TTLL11: variants seen among roughly 807,000 people sequenced by gnomAD.
TTLL11 encodes tubulin tyrosine ligase like 11, also known as tubulin polyglutamylase TTLL11.
TTLL11 carries 42 observed loss-of-function variants against 51.7 expected under a neutral mutation model. The observed-to-expected ratio is 0.81, with a 90% confidence interval of 0.64 to 1.05. TTLL11 has a LOEUF of 1.05. Ranked by LOEUF, TTLL11 falls within the 50% of genes least tolerant of loss-of-function variation. The pLI is 0.00. For missense variants in TTLL11, 799 were observed against 940.4 expected, an observed-to-expected ratio of 0.85 and a Z score of 1.97; for synonymous variants, 381 against 383.5, an observed-to-expected ratio of 0.99 and a Z score of 0.08.
At chr9:121,863,378 G>A (rs973423515) in intron 7 of TTLL11, among the ~76,000 whole-genome samples, 2 of 152,204 alleles carry the variant, frequency 1.3e-5, no homozygotes, top group African/African-American at 4.8e-5. Context: ...TGGGCTACCT[G>A]CTCTTCCACA....
At chr9:121,911,761 C>T (rs2131501488) in intron 6 of TTLL11, among the ~76,000 whole-genome samples, 1 of 152,140 alleles carries the variant, frequency 6.6e-6, no homozygotes, top group Non-Finnish European at 1.5e-5. Flanking sequence ...AGGGGAACAT[C>T]ACACACCGGG....
chr9:122,015,577 C>T (rs774183701), intron 3 of TTLL11, among the ~76,000 whole-genome samples: 1 of 152,182 alleles, frequency 6.6e-6, no homozygotes, highest in East Asian at 1.9e-4. Context: ...CTCCATGTTA[C>T]TTCCCAGGCT....
chr9:122,034,558 C>T (rs781443267), intron 2 of TTLL11, among the ~76,000 whole-genome samples: 1 of 152,160 alleles, frequency 6.6e-6, no homozygotes, highest in Admixed American at 6.5e-5. Flanking sequence ...TAGCACCAAA[C>T]CTTTGCTCCT....
intron 1 of TTLL11, among the ~76,000 whole-genome samples, chr9:122,071,125 C>T (rs1216892373): frequency 6.6e-6 from 1 of 152,184 alleles, no homozygotes; most frequent in African/African-American, 2.4e-5. Context: ...CTATCCAGTG[C>T]CTGGCTTAGA....
intron 1 of TTLL11, among the ~76,000 whole-genome samples, chr9:122,042,098 C>T (rs529960889): frequency 6.6e-6 from 1 of 151,374 alleles, no homozygotes; most frequent in Non-Finnish European, 1.5e-5. Context: ...CAACCTCTGC[C>T]TCCTGGATCA....
intron 6 of TTLL11, among the ~76,000 whole-genome samples, chr9:121,905,479 G>A (rs958561210): frequency 1.3e-5 from 2 of 151,894 alleles, no homozygotes; most frequent in Non-Finnish European, 2.9e-5. Context: ...AGCCTCCTGA[G>A]TAGCTGGGAT....
intron 4 of TTLL11, among the ~76,000 whole-genome samples, chr9:121,983,021 T>C (rs1842859697): frequency 6.6e-6 from 1 of 152,170 alleles, no homozygotes; most frequent in Non-Finnish European, 1.5e-5. Flanking sequence ...AAATAGGCTA[T>C]AGGCAGTAAG....
chr9:122,000,621 A>G (rs1843431019), intron 3 of TTLL11, among the ~76,000 whole-genome samples: 1 of 152,172 alleles, frequency 6.6e-6, no homozygotes, highest in African/African-American at 2.4e-5. Flanking sequence ...ATGACAGTTT[A>G]CAAATGGCAT....
chr9:122,000,918 C>A (rs1843441961), intron 3 of TTLL11, among the ~76,000 whole-genome samples: 1 of 152,212 alleles, frequency 6.6e-6, no homozygotes. Context: ...AACAGTAATA[C>A]ATAACAGTAA....
At chr9:121,894,751 G>A (rs950773883) in intron 6 of TTLL11, among the ~76,000 whole-genome samples, 11 of 152,122 alleles carry the variant, frequency 7.2e-5, no homozygotes, top group Non-Finnish European at 1.5e-4. Context: ...GCCTGTCGGG[G>A]GGTGGGGACT....
intron 1 of TTLL11, among the ~76,000 whole-genome samples, chr9:122,079,369 C>T (rs1266818689): frequency 6.6e-6 from 1 of 152,114 alleles, no homozygotes; most frequent in Non-Finnish European, 1.5e-5. Context: ...GTAACCCCCT[C>T]CCCCTTTTTT....
At chr9:122,030,229 C>T (rs10123116) in intron 3 of TTLL11, among the ~76,000 whole-genome samples, 6,421 of 137,280 alleles carry the variant, frequency 0.047, 210 homozygotes, top group African/African-American at 0.079. Flanking sequence ...TTATGAGGAA[C>T]AGCTGAGAGT....
rs1384684166 is a variant in TTLL11, at chr9:121,874,775, G to A, written c.1482-4027C>T. Among the ~76,000 whole-genome samples, 7 of 78,990 alleles carry A rather than the reference G, an allele frequency of 8.9e-5. No homozygotes were observed. The South Asian group carries it at 2.5e-3, about 29-fold the overall frequency. 51.8% of individuals were successfully genotyped at this position (78,990 alleles called of 152,430 possible). ...GGCATAATTTTTTTTTTTTTTTTTT[G>A]AGACAGAGACTTGTTCTGTCACCCA... On this transcript the variant is annotated intron_variant, in intron 6 of 8. Coordinates refer to ENST00000321582, the MANE Select transcript of TTLL11 (RefSeq NM_001139442.2).
At chr9:121,882,630 C>T (rs183701237) in intron 6 of TTLL11, among the ~76,000 whole-genome samples, 109 of 152,226 alleles carry the variant, frequency 7.2e-4, no homozygotes, top group Non-Finnish European at 1.4e-3. Flanking sequence ...GCTCCCTGCC[C>T]ACAGTCTTCC....
intron 1 of TTLL11, among the ~76,000 whole-genome samples, chr9:122,062,887 C>T (rs1408635713): frequency 6.6e-6 from 1 of 152,032 alleles, no homozygotes; most frequent in Non-Finnish European, 1.5e-5. Flanking sequence ...TCAAGCAATC[C>T]TCCCACCTCA....
intron 6 of TTLL11, among the ~76,000 whole-genome samples, chr9:121,952,298 T>C (rs1841874435): frequency 6.6e-6 from 1 of 151,886 alleles, no homozygotes; most frequent in Non-Finnish European, 1.5e-5. Context: ...ATACAAAAAT[T>C]AGCCACGTGT....
intron 1 of TTLL11, among the ~76,000 whole-genome samples, chr9:122,045,087 T>C (rs115251129): frequency 1.3e-5 from 2 of 151,730 alleles, no homozygotes; most frequent in African/African-American, 2.4e-5. Context: ...GCCTAGATGA[T>C]AGAGACCCTA....
intron 1 of TTLL11, among the ~76,000 whole-genome samples, chr9:122,047,791 T>G (rs1845056637): frequency 6.6e-6 from 1 of 152,194 alleles, no homozygotes; most frequent in African/African-American, 2.4e-5. Context: ...TTATTTCATG[T>G]GTAATCCTTA....
chr9:121,894,066 G>A (rs1225629990), intron 6 of TTLL11, among the ~76,000 whole-genome samples: 2 of 152,150 alleles, frequency 1.3e-5, no homozygotes, highest in Non-Finnish European at 2.9e-5. Context: ...GGTACTAAGT[G>A]TCTTCATGTT....
Sources: allele counts gnomAD v4.1 joint callset (sites outside exome capture counted in the v4.1 genomes callset), GRCh38; gene constraint gnomAD v4.1.1; transcripts MANE v1.5; gene names NCBI Gene and HGNC (gene_info 2026-07-23, HGNC 2026-07-21).